Variants in ATF3 observed in about 807,000 individuals in gnomAD.
ATF3 encodes the protein activating transcription factor 3, also known as cyclic AMP-dependent transcription factor ATF-3.
A neutral mutation model predicts 18.4 loss-of-function variants in ATF3; 10 were observed. The ratio of observed to expected loss-of-function variants is 0.54; its 90% CI spans 0.34 to 0.92. ATF3 has a LOEUF of 0.92. ATF3 is among the 40% of genes least tolerant of loss of function. The pLI is 0.02. For synonymous variants in ATF3, 78 were observed against 87.9 expected (o/e 0.89, Z 0.63); for missense variants, 183 against 222.3 (o/e 0.82, Z 1.12).
intron 1 of ATF3, among the ~76,000 whole-genome samples, chr1:212,600,149 C>T (rs531664155): frequency 1.3e-5 from 2 of 152,340 alleles, no homozygotes; most frequent in South Asian, 4.1e-4. Flanking sequence ...GATGGCCTCA[C>T]CTGACCAGTG....
chr1:212,589,422 G>A (rs1025718442), intron 1 of ATF3, among the ~76,000 whole-genome samples: 31 of 152,150 alleles, frequency 2.0e-4, no homozygotes, highest in African/African-American at 7.5e-4. Flanking sequence ...CTAGATGGAG[G>A]AAGAAATAGA....
chr1:212,581,510 A>G (rs954286955), intron 1 of ATF3, among the ~76,000 whole-genome samples: 4 of 152,218 alleles, frequency 2.6e-5, no homozygotes, highest in African/African-American at 4.8e-5. Flanking sequence ...GTTTGTGTCA[A>G]TGGAAGAATG....
chr1:212,608,020 C>T (rs1316219308), upstream of ATF3, among the ~76,000 whole-genome samples: 1 of 152,204 alleles, frequency 6.6e-6, no homozygotes, highest in East Asian at 1.9e-4. Context: ...GGCTCGGGCG[C>T]ACGGTGCCAG....
At chr1:212,591,543 C>A (rs181172986) in intron 1 of ATF3, among the ~76,000 whole-genome samples, 1 of 152,166 alleles carries the variant, frequency 6.6e-6, no homozygotes, top group Non-Finnish European at 1.5e-5. Flanking sequence ...CTCCATCCCC[C>A]CCGCCCCAGT....
intron 1 of ATF3, among the ~76,000 whole-genome samples, chr1:212,598,216 G>A (rs770634329): frequency 7.9e-5 from 12 of 152,058 alleles, no homozygotes; most frequent in Non-Finnish European, 1.3e-4. Context: ...ATATTTTATG[G>A]AAATTTCTTT....
rs189275492 is a variant in ATF3 at position 212,588,016 on chromosome 1, C to T, written c.-5+22533C>T. Among the ~76,000 whole-genome samples the T allele has an allele frequency of 1.0e-3, 158 of 151,424 alleles. 1 individual carries two copies. Among genetic ancestry groups the T allele is most frequent in the Middle Eastern group, 3.4e-3 (1 of 294 alleles). ...TGAGACTCAGCATGTGGGGTGACAG[C>T]GATTATGGGAGGTGAGTGAGAGGGA... On this transcript the variant is annotated intron_variant, in intron 1 of 3. Coordinates refer to the ATF3 transcript ENST00000366981.
upstream of ATF3, among the ~76,000 whole-genome samples, chr1:212,606,164 A>T (rs889120801): frequency 3.3e-5 from 5 of 152,204 alleles, no homozygotes; most frequent in African/African-American, 9.7e-5. Context: ...GTTCTTTTCC[A>T]GTCTCTCAAT....
chr1:212,614,905 T>A lies in ATF3; in HGVS notation c.-4-113T>A. On this transcript the variant is annotated intron_variant, in intron 1 of 3. Transcript: ENST00000341491. ...AACAAAACAGAAACCCAAGGGCTTA[T>A]GGGACTTTTCTCTGAGGGTGGGGCT... 6 of 1,592,934 alleles carry A rather than the reference T, an allele frequency of 3.8e-6. 1 individual carries two copies. In the South Asian group the frequency reaches 6.7e-5, roughly 18 times the overall value.
At chr1:212,588,771 C>T (rs1362910519) in intron 1 of ATF3, among the ~76,000 whole-genome samples, 1 of 152,050 alleles carries the variant, frequency 6.6e-6, no homozygotes, top group African/African-American at 2.4e-5. Flanking sequence ...TGCTCATTTC[C>T]TGATTTTTTC....
chr1:212,569,593 A>T (rs1385784856), intron 1 of ATF3, among the ~76,000 whole-genome samples: 1 of 150,946 alleles, frequency 6.6e-6, no homozygotes, highest in Non-Finnish European at 1.5e-5. Flanking sequence ...GAACCAGTAA[A>T]TTTTTTTTTG....
Position 212,612,264 on chromosome 1 carries a change from T to C in ATF3, c.-4-2754T>C, listed in dbSNP as rs551359031. On this transcript the variant is annotated intron_variant, in intron 1 of 3. Transcript: ENST00000341491. The stretch of plus-strand genomic sequence containing the variant: ...CACTGACATTCTTCAGCTTCTTTCA[T>C]TGGGACTGCTGACTTTACATAAGAA... Among the ~76,000 whole-genome samples the C allele has an allele frequency of 7.9e-5, 12 of 152,344 alleles. No homozygotes were observed. In the South Asian group the frequency reaches 1.9e-3, roughly 24 times the overall value.
In ATF3 at chr1:212,615,233, C is replaced by A. The variant is rs896665736; in HGVS notation, c.212C>A (p.Pro71His). ...ALESVTVSDR[P>H]LGVSITKAEV... ...GAATCAGTCACTGTCAGCGACAGAC[C>A]CCTCGGGGTGTCCATCACAAAAGCC... is the stretch of plus-strand genomic sequence containing the variant. The change falls in exon 2 of 4, where the codon CCC (proline) becomes CAC (histidine). Residue 71 changes from proline (P) to histidine (H), a missense_variant. Pro to His is a moderately conservative substitution (Grantham distance 77). Coordinates refer to ENST00000341491, the MANE Select transcript of ATF3 (RefSeq NM_001674.4). 5.0e-6 allele frequency: 8 copies of A among 1,613,868 alleles called. No individual in the cohort carries two copies. Among genetic ancestry groups the A allele is most frequent in the Non-Finnish European group, 6.8e-6 (8 of 1,179,920 alleles).
upstream of ATF3, among the ~76,000 whole-genome samples, chr1:212,605,982 G>A (rs550276568): frequency 6.6e-6 from 1 of 152,336 alleles, no homozygotes; most frequent in Non-Finnish European, 1.5e-5. Context: ...GAGTTTTGGT[G>A]TGGAAAGCTT....
chr1:212,577,546 G>A (rs764433979), intron 1 of ATF3, among the ~76,000 whole-genome samples: 2 of 151,690 alleles, frequency 1.3e-5, no homozygotes, highest in African/African-American at 4.8e-5. Context: ...GACCAACATC[G>A]CTTCAACTCA....
At chr1:212,592,183 C>T (rs1042607968) in intron 1 of ATF3, among the ~76,000 whole-genome samples, 2 of 152,086 alleles carry the variant, frequency 1.3e-5, no homozygotes, top group Non-Finnish European at 2.9e-5. Flanking sequence ...CCCTAGTAAC[C>T]ACTATTCTAC....
At chr1:212,569,618 C>T (rs1321019000) in intron 1 of ATF3, among the ~76,000 whole-genome samples, 1 of 151,174 alleles carries the variant, frequency 6.6e-6, no homozygotes, top group Non-Finnish European at 1.5e-5. Context: ...TTTTTTTTCA[C>T]TCGAAATGTA....
At chr1:212,600,665 A>G (rs756727117) in intron 1 of ATF3, among the ~76,000 whole-genome samples, 4 of 152,206 alleles carry the variant, frequency 2.6e-5, no homozygotes, top group African/African-American at 9.6e-5. Flanking sequence ...CACCTCAGCC[A>G]TCAGCTCTTG....
At chr1:212,587,081 G>C (rs569378325) in intron 1 of ATF3, among the ~76,000 whole-genome samples, 1 of 152,308 alleles carries the variant, frequency 6.6e-6, no homozygotes, top group Admixed American at 6.5e-5. Context: ...AAGTGGAATG[G>C]GTGAGTTAGA....
Position 212,618,657 on chromosome 1 carries a change from T to C in ATF3, c.348+423T>C, listed in dbSNP as rs1325886044. 1 of 404,470 alleles carries C rather than the reference T, an allele frequency of 2.5e-6. No individual in the cohort carries two copies. Among genetic ancestry groups the C allele is most frequent in the Non-Finnish European group, 4.6e-6 (1 of 217,698 alleles). 25.1% of individuals were successfully genotyped at this position (404,470 alleles called of 1,614,324 possible). On this transcript the variant is annotated intron_variant, in intron 3 of 3. Coordinates refer to ENST00000341491, the MANE Select transcript of ATF3 (RefSeq NM_001674.4). The surrounding 1 kb of genome is among the most constrained non-coding windows in gnomAD (Gnocchi z 4.4). Reference sequence around the variant, plus strand: ...AGTTATTTCCTTAATCCACAAGCAGTGGTTACACTTGCTTTGCATTCTTGT... The same window carrying C: ...AGTTATTTCCTTAATCCACAAGCAGCGGTTACACTTGCTTTGCATTCTTGT...
Sources: gnomAD v4.1 joint callset for allele counts (sites outside exome capture counted in the v4.1 genomes callset) on GRCh38, gnomAD v4.1.1 for gene constraint, Gnocchi (gnomAD v3.1) non-coding constraint, MANE v1.5 for transcripts, NCBI Gene and HGNC (gene_info 2026-07-23, HGNC 2026-07-21) for gene names.